Variants in TET3 observed in about 807,000 individuals in gnomAD.
TET3 encodes the protein tet methylcytosine dioxygenase 3, also known as methylcytosine dioxygenase TET3.
In TET3, 19 loss-of-function variants were observed where a neutral mutation model predicts 141.4. That is an observed-to-expected ratio of 0.13 (90% CI 0.09 to 0.20). The LOEUF (loss-of-function observed/expected upper bound fraction) is 0.20. Ranked by LOEUF, TET3 falls within the 10% of genes least tolerant of loss-of-function variation. The pLI is 1.00. For synonymous variants in TET3, 1,043 were observed against 980.9 expected (o/e 1.06, Z -1.18); for missense variants, 1,874 against 2,356.9 (o/e 0.80, Z 4.24).
chr2:74,118,122 C>T, the TET3 span, among the ~76,000 whole-genome samples: 5,518 of 152,332 alleles, frequency 0.036, 330 homozygotes, highest in African/African-American at 0.12. Context: ...ATCATCTCCA[C>T]GAGAGCAGAT....
At chr2:74,078,827 C>T (rs1689651603) in intron 5 of TET3, among the ~76,000 whole-genome samples, 1 of 152,008 alleles carries the variant, frequency 6.6e-6, no homozygotes, top group East Asian at 1.9e-4. Flanking sequence ...GTGTTAATTG[C>T]TCAAATAAAA....
At chr2:74,036,120 T>G (rs994317621) in intron 3 of TET3, among the ~76,000 whole-genome samples, 10 of 152,342 alleles carry the variant, frequency 6.6e-5, no homozygotes, top group Middle Eastern at 3.4e-3. Context: ...GCTCTTCATA[T>G]ATTGTTTAAT....
intron 4 of TET3, among the ~76,000 whole-genome samples, chr2:74,068,200 A>AT (rs147045906): frequency 0.027 from 4,031 of 151,578 alleles, 177 homozygotes; most frequent in African/African-American, 0.092. Context: ...TTAATTTTTA[A>AT]TTTTTTTTAC....
chr2:74,091,648 C>T (rs1450330255), intron 8 of TET3, among the ~76,000 whole-genome samples: 4 of 152,268 alleles, frequency 2.6e-5, no homozygotes, highest in Non-Finnish European at 5.9e-5. Flanking sequence ...CTGGCGACCC[C>T]ACTGGATGTA....
rs539911108 is a variant in TET3, at chr2:74,102,255, G to A, written c.*79G>A. On this transcript the variant is annotated 3_prime_UTR_variant, in exon 12 of 12. Coordinates refer to ENST00000409262, the MANE Select transcript of TET3 (RefSeq NM_001287491.2). ...GGTGCTTTTGCCCTCATACCTGGGG[G>A]CGGGTTGGGGGTGCAGAAGTCTTTT... is the stretch of plus-strand genomic sequence containing the variant. 2.3e-5 allele frequency: 31 copies of A among 1,365,566 alleles called. No individual in the cohort carries two copies. In the African/African-American group the frequency reaches 3.2e-4, roughly 14 times the overall value. The allele number at this position is 1,365,566 out of a possible 1,614,324, so 84.6% of individuals were successfully genotyped here.
At chr2:74,002,818 C>T (rs1684932471) in intron 2 of TET3, 2 of 571,578 alleles carry the variant, frequency 3.5e-6, no homozygotes, top group Non-Finnish European at 6.2e-6. Flanking sequence ...CGCGCGGGGC[C>T]GGGGATGGCC....
rs1362977563 is a variant in TET3 at position 74,099,599 on chromosome 2, T to C, written c.3591T>C (p.Ile1197=). 1 of 1,578,818 alleles carries C rather than the reference T, an allele frequency of 6.3e-7. No individual in the cohort carries two copies. Among genetic ancestry groups the C allele is most frequent in the East Asian group, 2.3e-5 (1 of 43,162 alleles). Residue 1197 remains isoleucine (I), a synonymous_variant, in exon 11 of 12, where the codon ATT becomes ATC. Transcript: ENST00000409262. ...IKQEALELAG[I]TSDPGLSLKG... is the part of the protein sequence containing the mutation. ...AGGAGGCCCTGGAGCTGGCGGGCAT[T>C]ACGTCGGACCCAGGTGTGTGGGGGG...
chr2:74,122,310 CAG>C, the TET3 span: 3 of 151,420 alleles, frequency 2.0e-5, no homozygotes, highest in African/African-American at 7.3e-5. Context: ...GGCCTGACAA[CAG>C]AGTGGAATGT....
the TET3 span, among the ~76,000 whole-genome samples, chr2:74,117,838 C>T: frequency 1.3e-5 from 2 of 152,262 alleles, no homozygotes; most frequent in Middle Eastern, 3.4e-3. Context: ...CTCTGCCTCC[C>T]GGATTCAAAT....
At chr2:74,082,824 C>T (rs1477996711) in intron 6 of TET3, among the ~76,000 whole-genome samples, 1 of 151,912 alleles carries the variant, frequency 6.6e-6, no homozygotes, top group African/African-American at 2.4e-5. Flanking sequence ...GGAAAGTGAC[C>T]CACAGATGCT....
At position 74,046,835 on chromosome 2, in the gene TET3, G is replaced by T; in HGVS notation, c.918G>T (p.Gly306=). The change falls in exon 4 of 12, where the codon GGG becomes GGT. Residue 306 remains glycine (G), a synonymous_variant. Coordinates refer to ENST00000409262, the MANE Select transcript of TET3 (RefSeq NM_001287491.2). The surrounding 1 kb of genome is among the most constrained non-coding windows in gnomAD (Gnocchi z 4.3). The part of the protein sequence containing the change: ...EGGEERPRLP[G]PLPPGEAGLP... Reference sequence around the variant, plus strand: ...GGGAGGAGCGGCCCAGGCTCCCAGGGCCTCTGCCTCCTGGTGAGGCCGGCC... The same window carrying T: ...GGGAGGAGCGGCCCAGGCTCCCAGGTCCTCTGCCTCCTGGTGAGGCCGGCC... The T allele has an allele frequency of 6.2e-7, 1 of 1,613,324 alleles. No homozygotes were observed. The highest frequency in any genetic ancestry group is 8.5e-7 in the Non-Finnish European group (1 of 1,179,860).
intron 3 of TET3, among the ~76,000 whole-genome samples, chr2:74,022,987 G>T (rs995705109): frequency 6.6e-6 from 1 of 152,002 alleles, no homozygotes; most frequent in African/African-American, 2.4e-5. Context: ...AATTGACCAG[G>T]CTGGTCTTGA....
intron 5 of TET3, among the ~76,000 whole-genome samples, chr2:74,076,885 C>G (rs7558243): frequency 0.051 from 7,823 of 152,200 alleles, 676 homozygotes; most frequent in African/African-American, 0.18. Context: ...CTTAGCTTTT[C>G]CAGTAAAGAT....
intron 5 of TET3, 55 bp downstream of exon 5, chr2:74,073,694 G>A: frequency 7.2e-7 from 1 of 1,394,766 alleles, no homozygotes; most frequent in Non-Finnish European, 9.8e-7. Context: ...ATGGAATACG[G>A]ATATTAAGCG....
chr2:74,098,649 T>C lies in TET3; in HGVS notation c.3268-627T>C, dbSNP rs1272098482. Among the ~76,000 whole-genome samples the C allele has an allele frequency of 2.0e-5, 3 of 151,406 alleles. No individual in the cohort carries two copies. The East Asian group carries it at 5.8e-4, about 29-fold the overall frequency. The stretch of plus-strand genomic sequence containing the variant: ...CACTCTTGTTGCCCAGGCTGGAGTG[T>C]AGTGGCATGATCTTGGCTCACTGCA... On this transcript the variant is annotated intron_variant, in intron 10 of 11. Coordinates refer to ENST00000409262, the MANE Select transcript of TET3 (RefSeq NM_001287491.2).
At chr2:73,989,279 C>T (rs1684208240) in intron 2 of TET3, among the ~76,000 whole-genome samples, 1 of 151,968 alleles carries the variant, frequency 6.6e-6, no homozygotes, top group African/African-American at 2.4e-5. Flanking sequence ...TGGGGCGGGA[C>T]GCAGTATCCT....
rs183120983 is a variant in TET3 at position 74,035,021 on chromosome 2, C to T, written c.361-11257C>T. On this transcript the variant is annotated intron_variant, in intron 3 of 11. Coordinates refer to ENST00000409262, the MANE Select transcript of TET3 (RefSeq NM_001287491.2). ...CCTGGTTAACATGGTGAAACCCTGT[C>T]TCTACTAAAAAATACAAAAAAAAAA... 3.0e-3 allele frequency among the ~76,000 whole-genome samples: 423 copies of T among 142,488 alleles called. 1 individual carries two copies. The highest frequency in any genetic ancestry group is 0.011 in the African/African-American group (391 of 36,460). The allele number at this position is 142,488 out of a possible 152,430, so 93.5% of individuals were successfully genotyped here.
At chr2:74,036,329 G>T (rs534716643) in intron 3 of TET3, among the ~76,000 whole-genome samples, 2 of 152,116 alleles carry the variant, frequency 1.3e-5, no homozygotes, top group East Asian at 3.8e-4. Flanking sequence ...ATCTTCTTTT[G>T]TATTTTTCTG....
At chr2:74,124,294 C>G in the TET3 span, among the ~76,000 whole-genome samples, 1 of 151,068 alleles carries the variant, frequency 6.6e-6, no homozygotes, top group Non-Finnish European at 1.5e-5. Flanking sequence ...GCCAGCCACC[C>G]CGTCTGGGAG....
Sources: gnomAD v4.1 joint callset for allele counts (sites outside exome capture counted in the v4.1 genomes callset) on GRCh38, gnomAD v4.1.1 for gene constraint, Gnocchi (gnomAD v3.1) non-coding constraint, MANE v1.5 for transcripts, NCBI Gene and HGNC (gene_info 2026-07-23, HGNC 2026-07-21) for gene names.